Variants in ADGRA1 observed in about 807,000 individuals in gnomAD.
ADGRA1 encodes G-protein coupled receptor 123.
A neutral mutation model predicts 21.3 loss-of-function variants in ADGRA1; 12 were observed. That is an observed-to-expected ratio of 0.56 (90% CI 0.36 to 0.91). ADGRA1 has a LOEUF of 0.91. ADGRA1 is among the 40% of genes least tolerant of loss of function. The probability of loss-of-function intolerance (pLI) is 0.01; values close to 1 mark genes in which losing one functional copy is unlikely to be tolerated. For missense variants in ADGRA1, 790 were observed against 805.6 expected (o/e 0.98, Z 0.23); for synonymous variants, 385 against 368.8 (o/e 1.04, Z -0.50).
In ADGRA1 at chr10:133,111,171, CG is replaced by C. The variant is rs1473999246; in HGVS notation, c.401+8330del. ...TCCTAATCCCACCAGACCACCTGCCCGCCGTGAGCACCTCCCTCCTAATCCC... is the reference window on the plus strand; with the variant it reads ...TCCTAATCCCACCAGACCACCTGCCCCCGTGAGCACCTCCCTCCTAATCCC... On this transcript the variant is annotated intron_variant, in intron 5 of 6. Coordinates refer to ENST00000392607, the MANE Select transcript of ADGRA1 (RefSeq NM_001083909.3). 3.8e-4 allele frequency among the ~76,000 whole-genome samples: 52 copies of C among 137,572 alleles called. 10 individuals are homozygous for C. Among genetic ancestry groups the C allele is most frequent in the African/African-American group, 1.5e-3 (45 of 30,684 alleles). The allele number at this position is 137,572 out of a possible 152,430, so 90.3% of individuals were successfully genotyped here.
At chr10:133,103,838 G>A (rs1048031644) in intron 5 of ADGRA1, among the ~76,000 whole-genome samples, 5 of 152,226 alleles carry the variant, frequency 3.3e-5, no homozygotes, top group Admixed American at 1.3e-4. Flanking sequence ...CACAGTTGGC[G>A]AAAGCCAGGC....
Position 133,113,044 on chromosome 10 carries a change from G to T in ADGRA1, c.401+10202G>T. On this transcript the variant is annotated intron_variant, in intron 5 of 6. Coordinates refer to ENST00000392607, the MANE Select transcript of ADGRA1 (RefSeq NM_001083909.3). ...GTCTGCGGGCCGCGTCAGTTATTTG[G>T]GGTCTATAAGCTGTGTCAGTTATTT... Among the ~76,000 whole-genome samples the T allele has an allele frequency of 2.4e-5, 2 of 84,896 alleles. 1 individual carries two copies. Among genetic ancestry groups the T allele is most frequent in the East Asian group, 1.7e-3 (2 of 1,174 alleles). The allele number at this position is 84,896 out of a possible 152,430, so 55.7% of individuals were successfully genotyped here. A position where few individuals can be genotyped will look rare whatever the true frequency, so the allele number is the denominator to read the frequency against.
intron 5 of ADGRA1, among the ~76,000 whole-genome samples, chr10:133,116,349 C>T (rs973039130): frequency 1.3e-5 from 2 of 152,152 alleles, no homozygotes; most frequent in Admixed American, 6.5e-5. Context: ...CCTGTGCCTT[C>T]GCCTTCACTG....
At position 133,088,185 on chromosome 10, in the gene ADGRA1, C is replaced by G. The variant is rs1057494072; in HGVS notation, c.-203+47C>G. 1.4e-4 allele frequency: 120 copies of G among 879,864 alleles called. No homozygotes were observed. The African/African-American group carries it at 2.1e-3, about 15-fold the overall frequency. 54.5% of individuals were successfully genotyped at this position (879,864 alleles called of 1,614,324 possible). ...GGGCGGCGGGAGGGACGCGCGGGGC[C>G]GCGGCTCGGCAGAAAAGCTCGCGCC... On this transcript the variant is annotated intron_variant, in intron 1 of 6. Transcript: ENST00000392607.
At chr10:133,108,642 A>C in intron 5 of ADGRA1, among the ~76,000 whole-genome samples, 1 of 151,894 alleles carries the variant, frequency 6.6e-6, no homozygotes, top group East Asian at 1.9e-4. Flanking sequence ...TAGACACTAG[A>C]CTCTGTTGCA....
chr10:133,101,399 C>T (rs1341262939), intron 4 of ADGRA1, among the ~76,000 whole-genome samples: 1 of 152,242 alleles, frequency 6.6e-6, no homozygotes, highest in East Asian at 1.9e-4. Context: ...GGCGCTGGCC[C>T]TGGGTCCGGC....
intron 5 of ADGRA1, among the ~76,000 whole-genome samples, chr10:133,108,773 G>A (rs1238794188): frequency 6.6e-6 from 1 of 152,030 alleles, no homozygotes; most frequent in Admixed American, 6.6e-5. Context: ...CTCAATACTG[G>A]GTGCATGTGG....
At chr10:133,113,001 CTG>C (rs1852087298) in intron 5 of ADGRA1, among the ~76,000 whole-genome samples, 1 of 145,552 alleles carries the variant, frequency 6.9e-6, no homozygotes, top group Non-Finnish European at 1.5e-5. Context: ...GGTCTATAAG[CTG>C]TGTCAGTTAT....
At chr10:133,122,730 C>T (rs371538675) in intron 5 of ADGRA1, among the ~76,000 whole-genome samples, 124 of 152,268 alleles carry the variant, frequency 8.1e-4, no homozygotes, top group Middle Eastern at 3.4e-3. Context: ...ACCTTGGGGC[C>T]GGCCCCACCC....
At chr10:133,106,878 C>T (rs539843599) in intron 5 of ADGRA1, among the ~76,000 whole-genome samples, 44 of 152,380 alleles carry the variant, frequency 2.9e-4, no homozygotes, top group Non-Finnish European at 5.6e-4. Flanking sequence ...TCTGGGGCCA[C>T]GCCCGCTCTG....
chr10:133,098,564 G>A lies in ADGRA1; in HGVS notation c.132-76G>A, dbSNP rs183713043. On this transcript the variant is annotated intron_variant, in intron 3 of 6. Coordinates refer to ENST00000392607, the MANE Select transcript of ADGRA1 (RefSeq NM_001083909.3). The stretch of plus-strand genomic sequence containing the variant: ...CGGACTTCCCGGGGACAGAGCCTGC[G>A]CCCCAGGGGGCTCCCTTCCACGCCT... 576 of 1,526,746 alleles carry A rather than the reference G, an allele frequency of 3.8e-4. 5 individuals carry two copies. In the African/African-American group the frequency reaches 4.9e-3, roughly 13 times the overall value. 94.6% of individuals were successfully genotyped at this position (1,526,746 alleles called of 1,614,324 possible).
chr10:133,128,380 C>T lies in ADGRA1; in HGVS notation c.552C>T (p.Ala184=), dbSNP rs1852424033. The change falls in exon 7 of 7, where the codon GCC becomes GCT. Residue 184 remains alanine (A), a synonymous_variant. Coordinates refer to ENST00000392607, the MANE Select transcript of ADGRA1 (RefSeq NM_001083909.3). ...TGGGCGCCTTCTACGGCCCAGCCGC[C>T]ATCATCACCCTGGTCACCTGTGTGT... ...PSLGAFYGPA[A]IITLVTCVYF... 6.3e-7 allele frequency: 1 copy of T among 1,590,010 alleles called. No individual in the cohort carries two copies. The highest frequency in any genetic ancestry group is 2.3e-5 in the East Asian group (1 of 44,328).
rs554975711 is a variant in ADGRA1 at position 133,098,979 on chromosome 10, G to A, written c.255+216G>A. On this transcript the variant is annotated intron_variant, in intron 4 of 6. Coordinates refer to ENST00000392607, the MANE Select transcript of ADGRA1 (RefSeq NM_001083909.3). ...ACTGCACCGCCCCCTCCAGGCCGGC[G>A]CTAACCTGACACTTACTGTCCCCAA... is the stretch of plus-strand genomic sequence containing the variant. Among the ~76,000 whole-genome samples the A allele has an allele frequency of 3.0e-4, 46 of 152,350 alleles. No individual in the cohort carries two copies. In the South Asian group the frequency reaches 7.2e-3, roughly 24 times the overall value.
intron 2 of ADGRA1, among the ~76,000 whole-genome samples, chr10:133,090,227 A>C (rs1851575258): frequency 6.6e-6 from 1 of 152,142 alleles, no homozygotes; most frequent in South Asian, 2.1e-4. Context: ...TCCCCAATCC[A>C]AGAAGGGCAC....
At chr10:133,115,328 C>A (rs547487736) in intron 5 of ADGRA1, among the ~76,000 whole-genome samples, 2 of 152,190 alleles carry the variant, frequency 1.3e-5, no homozygotes, top group Non-Finnish European at 2.9e-5. Context: ...CTCTGCCCAG[C>A]GGTCAGCAGC....
At chr10:133,116,176 G>A (rs570119605) in intron 5 of ADGRA1, among the ~76,000 whole-genome samples, 2 of 152,250 alleles carry the variant, frequency 1.3e-5, no homozygotes, top group Non-Finnish European at 2.9e-5. Flanking sequence ...TGCCCAGTGC[G>A]AGGCCATACG....
chr10:133,130,785 C>T lies in ADGRA1; in HGVS notation c.*1274C>T, dbSNP rs1228840163. The T allele has an allele frequency of 6.6e-6, 1 of 152,072 alleles. No individual in the cohort carries two copies. Among genetic ancestry groups the T allele is most frequent in the Non-Finnish European group, 1.5e-5 (1 of 68,052 alleles). 9.4% of individuals were successfully genotyped at this position (152,072 alleles called of 1,614,324 possible). On this transcript the variant is annotated 3_prime_UTR_variant, in exon 7 of 7. Transcript: ENST00000392607. Reference sequence around the variant, plus strand: ...CACACAAACACGTGCATATCACACACATGCACACAAACGTGCATATCACAC... The same window carrying T: ...CACACAAACACGTGCATATCACACATATGCACACAAACGTGCATATCACAC...
chr10:133,088,569 C>T, intron 1 of ADGRA1, 139 bp from the exon 2 acceptor site: 1 of 397,444 alleles, frequency 2.5e-6, no homozygotes, highest in Non-Finnish European at 3.9e-6. Flanking sequence ...CCTCCGCCAG[C>T]CCCAGGCGCA....
intron 5 of ADGRA1, among the ~76,000 whole-genome samples, chr10:133,124,831 C>T (rs1852345336): frequency 1.0e-5 from 1 of 98,964 alleles, no homozygotes; most frequent in Non-Finnish European, 1.9e-5. Context: ...ACCCCCTTCC[C>T]CCGGCCCCGG....
Sources: allele counts gnomAD v4.1 joint callset (sites outside exome capture counted in the v4.1 genomes callset), GRCh38; gene constraint gnomAD v4.1.1; transcripts MANE v1.5; gene names NCBI Gene and HGNC (gene_info 2026-07-23, HGNC 2026-07-21).